The following PTPRN2 variants were observed in gnomAD, a reference collection of about 807,000 sequenced individuals.
PTPRN2 encodes protein tyrosine phosphatase receptor type N2, also known as receptor-type tyrosine-protein phosphatase N2.
Under a neutral mutation model 118.8 loss-of-function variants are expected in PTPRN2, and 74 were observed. The ratio of observed to expected loss-of-function variants is 0.62; its 90% CI spans 0.52 to 0.76. The LOEUF (loss-of-function observed/expected upper bound fraction) is 0.76. Among genes scored for constraint, PTPRN2 ranks in the 30% least tolerant of loss-of-function variants. The probability of loss-of-function intolerance (pLI) is 0.00; values close to 1 mark genes in which losing one functional copy is unlikely to be tolerated. For missense variants in PTPRN2, 1,481 were observed against 1,394.4 expected, an observed-to-expected ratio of 1.06 and a Z score of -0.99; for synonymous variants, 641 against 608.0, an observed-to-expected ratio of 1.05 and a Z score of -0.80.
chr7:157,611,672 C>T lies in PTPRN2; in HGVS notation c.2345-7597G>A, dbSNP rs1802346965. Among the ~76,000 whole-genome samples, 1 of 152,108 alleles carries T rather than the reference C, an allele frequency of 6.6e-6. No homozygotes were observed. Among genetic ancestry groups the T allele is most frequent in the Admixed American group, 6.5e-5 (1 of 15,282 alleles). ...TGCTGTTAGGAAGAAGGACTCTGCA[C>T]ACCCACACGGGAGGGAGAGCGCCCG... On this transcript the variant is annotated intron_variant, in intron 15 of 22. Transcript: ENST00000389418. This position sits in a 1 kb window ranked among gnomAD's most constrained non-coding sequence, Gnocchi z 5.9.
chr7:157,749,630 T>C (rs1279367438), intron 12 of PTPRN2, among the ~76,000 whole-genome samples: 213 of 62,404 alleles, frequency 3.4e-3, no homozygotes, highest in Middle Eastern at 0.017. Flanking sequence ...GGCCTGTGTC[T>C]CTGAGCTGTG....
chr7:158,488,143 C>A (rs1211174185), intron 2 of PTPRN2, among the ~76,000 whole-genome samples: 1 of 152,170 alleles, frequency 6.6e-6, no homozygotes, highest in African/African-American at 2.4e-5. Flanking sequence ...ATTAAACACA[C>A]ACACCTGCTT....
chr7:158,046,303 G>T (rs1585264033), intron 11 of PTPRN2, among the ~76,000 whole-genome samples: 1 of 125,738 alleles, frequency 8.0e-6, no homozygotes. Flanking sequence ...GCATCCTGAC[G>T]CTGCGATCCT....
rs140344109 is a variant in PTPRN2, at chr7:158,527,881, C to T, written c.113-38096G>A. ...CACATCTCACCTGCCCCACAAGCTGCGCCTCGGTGCTGCTGTCTCAACCAC... is the reference window on the plus strand; with the variant it reads ...CACATCTCACCTGCCCCACAAGCTGTGCCTCGGTGCTGCTGTCTCAACCAC... On this transcript the variant is annotated intron_variant, in intron 1 of 22. Transcript: ENST00000389418. 2.5e-3 allele frequency among the ~76,000 whole-genome samples: 387 copies of T among 152,248 alleles called. 5 individuals are homozygous for T. The highest frequency in any genetic ancestry group is 0.017 in the Admixed American group (259 of 15,294).
chr7:157,546,953 A>G (rs893570234), intron 22 of PTPRN2, among the ~76,000 whole-genome samples: 1 of 152,172 alleles, frequency 6.6e-6, no homozygotes, highest in Non-Finnish European at 1.5e-5. Context: ...TGGCAAAGAT[A>G]TCCCCTTGCG....
Position 158,133,837 on chromosome 7 carries a change from C to G in PTPRN2, c.1396G>C (p.Gly466Arg). 6.8e-6 allele frequency: 11 copies of G among 1,613,942 alleles called. No homozygotes were observed. The highest frequency in any genetic ancestry group is 9.3e-6 in the Non-Finnish European group (11 of 1,180,012). ...TGGAGCTCCCCAAACGCAGCGGCCC[C>G]GGGCTCCGAATGCGGCTGCTGCCCC... ...LLGQQPHSEPGAAAFGELQNQ... is the reference protein window; with the variant it reads ...LLGQQPHSEPRAAAFGELQNQ... Residue 466 changes from glycine to arginine, a missense_variant, in exon 9 of 23, where the codon GGG becomes CGG. This residue lies in a region of PTPRN2 where 1,115 missense variants were observed against 994.2 expected (regional missense o/e 1.12). Transcript: ENST00000389418.
rs560417272 is a variant in PTPRN2, at chr7:157,724,158, G to A, written c.1789-41221C>T. 4.6e-4 allele frequency among the ~76,000 whole-genome samples: 70 copies of A among 151,632 alleles called. 1 individual carries two copies. Among genetic ancestry groups the A allele is most frequent in the African/African-American group, 1.4e-3 (58 of 41,324 alleles). On this transcript the variant is annotated intron_variant, in intron 12 of 22. Coordinates refer to ENST00000389418, the MANE Select transcript of PTPRN2 (RefSeq NM_002847.5). ...TGTATCTGGAATTTAGGCTTCCCTC[G>A]TCTGAATTGTGCTGGTGTGGGTGGA...
At position 158,529,913 on chromosome 7, in the gene PTPRN2, A is replaced by G. The variant is rs1348539951; in HGVS notation, c.113-40128T>C. On this transcript the variant is annotated intron_variant, in intron 1 of 22. Coordinates refer to ENST00000389418, the MANE Select transcript of PTPRN2 (RefSeq NM_002847.5). This position sits in a 1 kb window ranked among gnomAD's most constrained non-coding sequence, Gnocchi z 4.7. ...CACACGTGCCACACACAGCACACAT[A>G]TGCACGCTACCACACACATGCACAC... is the stretch of plus-strand genomic sequence containing the variant. Among the ~76,000 whole-genome samples the G allele has an allele frequency of 6.6e-6, 1 of 152,042 alleles. No individual in the cohort carries two copies. The highest frequency in any genetic ancestry group is 1.9e-4 in the East Asian group (1 of 5,184).
intron 11 of PTPRN2, among the ~76,000 whole-genome samples, chr7:157,976,286 C>T (rs1802738581): frequency 6.6e-6 from 1 of 152,218 alleles, no homozygotes; most frequent in Non-Finnish European, 1.5e-5. Flanking sequence ...GTTGCTCAGC[C>T]TGGCAGCCGA....
rs78109547 is a variant in PTPRN2 at position 158,157,870 on chromosome 7, G to A, written c.910+9061C>T. 2.0e-5 allele frequency among the ~76,000 whole-genome samples: 3 copies of A among 152,324 alleles called. No homozygotes were observed. In the East Asian group the frequency reaches 5.8e-4, roughly 29 times the overall value. On this transcript the variant is annotated intron_variant, in intron 6 of 22. Coordinates refer to ENST00000389418, the MANE Select transcript of PTPRN2 (RefSeq NM_002847.5). ...GCCTCAGGCAGTGCACACTGAGCCC[G>A]GGACTGTTTCGCTAGGATGAAAGGC... is the stretch of plus-strand genomic sequence containing the variant.
At chr7:158,253,474 C>T (rs983550110) in intron 3 of PTPRN2, among the ~76,000 whole-genome samples, 8 of 152,320 alleles carry the variant, frequency 5.3e-5, no homozygotes, top group South Asian at 2.1e-4. Flanking sequence ...GTGATTGCCG[C>T]GCCTGTTGCT....
intron 12 of PTPRN2, among the ~76,000 whole-genome samples, chr7:157,872,328 C>G (rs1563193615): frequency 7.1e-6 from 1 of 141,810 alleles, no homozygotes; most frequent in African/African-American, 2.6e-5. Context: ...CCCACACACC[C>G]ATACCCAGTG....
At chr7:157,698,198 T>C (rs1177244441) in intron 12 of PTPRN2, among the ~76,000 whole-genome samples, 2 of 152,272 alleles carry the variant, frequency 1.3e-5, no homozygotes, top group Non-Finnish European at 2.9e-5. Flanking sequence ...ATTTTAAAAT[T>C]GAGAAATGCT....
intron 14 of PTPRN2, among the ~76,000 whole-genome samples, chr7:157,631,610 A>G (rs1034617084): frequency 1.7e-4 from 26 of 152,182 alleles, no homozygotes; most frequent in Non-Finnish European, 3.4e-4. Context: ...AGGCGGGTGG[A>G]TCACGAGGTC....
At chr7:158,457,809 A>C (rs113688406) in intron 2 of PTPRN2, among the ~76,000 whole-genome samples, 8 of 142,360 alleles carry the variant, frequency 5.6e-5, no homozygotes, top group East Asian at 2.2e-4. Context: ...AGGGGCGTTA[A>C]CACCAGACCT....
At chr7:157,899,365 G>A (rs1340506946) in intron 11 of PTPRN2, among the ~76,000 whole-genome samples, 2 of 152,326 alleles carry the variant, frequency 1.3e-5, no homozygotes, top group African/African-American at 4.8e-5. Flanking sequence ...ACAATTAGCA[G>A]ATGGAAATGA....
intron 12 of PTPRN2, among the ~76,000 whole-genome samples, chr7:157,770,616 C>T (rs551127749): frequency 1.3e-5 from 2 of 152,322 alleles, no homozygotes; most frequent in African/African-American, 2.4e-5. Context: ...TATAGGGGAG[C>T]TTATTTTGCC....
chr7:158,341,909 C>A (rs58175701), intron 2 of PTPRN2, among the ~76,000 whole-genome samples: 891 of 136,184 alleles, frequency 6.5e-3, no homozygotes, highest in African/African-American at 0.025. Context: ...TGAGCTGACA[C>A]CTGCAGACGT....
At chr7:158,270,886 GACCC>G (rs1563068317) in intron 3 of PTPRN2, among the ~76,000 whole-genome samples, 6 of 7,982 alleles carry the variant, frequency 7.5e-4, no homozygotes, top group Non-Finnish European at 1.0e-3. Flanking sequence ...CCACCTGGAT[GACCC>G]CCTCCACCTG....
Sources: gnomAD v4.1 joint callset for allele counts (sites outside exome capture counted in the v4.1 genomes callset) on GRCh38, gnomAD v4.1.1 for gene constraint, gnomAD v4.1.1 regional missense constraint, Gnocchi (gnomAD v3.1) non-coding constraint, MANE v1.5 for transcripts, NCBI Gene and HGNC (gene_info 2026-07-23, HGNC 2026-07-21) for gene names.